TINCR: variants seen among roughly 807,000 people sequenced by gnomAD.
The protein encoded by TINCR is TINCR ubiquitin domain containing.
In TINCR at chr19:5,565,445, G is replaced by T. The variant is rs138492500; in HGVS notation, c.260+2220C>A. Among the ~76,000 whole-genome samples, 54 of 152,270 alleles carry T rather than the reference G, an allele frequency of 3.5e-4. No homozygotes were observed. Among genetic ancestry groups the T allele is most frequent in the Admixed American group, 1.2e-3 (18 of 15,300 alleles). Reference sequence around the variant, plus strand: ...CTAGGCTCTGTGAAGGCGAAATCTGGTCTCTCTGGGTCACTGCTGAATTTC... The same window carrying T: ...CTAGGCTCTGTGAAGGCGAAATCTGTTCTCTCTGGGTCACTGCTGAATTTC... On this transcript the variant is annotated intron_variant, in intron 1 of 1. Coordinates refer to ENST00000646160, the Ensembl canonical transcript of TINCR. This position sits in a 1 kb window ranked among gnomAD's most constrained non-coding sequence, Gnocchi z 4.0.
rs1198042027 is a variant in TINCR at position 5,563,781 on chromosome 19, G to A, written c.261-832C>T. ...TACAAAAAAATTAGCCAGGCATGGT[G>A]GCGGGCGCCTGTAATCCCAGCTACT... On this transcript the variant is annotated intron_variant, in intron 1 of 1. Coordinates refer to ENST00000646160, the Ensembl canonical transcript of TINCR. This position sits in a 1 kb window ranked among gnomAD's most constrained non-coding sequence, Gnocchi z 4.7. Among the ~76,000 whole-genome samples the A allele has an allele frequency of 6.6e-6, 1 of 152,156 alleles. No individual in the cohort carries two copies. Among genetic ancestry groups the A allele is most frequent in the African/African-American group, 2.4e-5 (1 of 41,426 alleles).
rs990903440 is a variant in TINCR, at chr19:5,563,633, G to A, written c.261-684C>T. Among the ~76,000 whole-genome samples the A allele has an allele frequency of 1.1e-4, 16 of 152,204 alleles. No individual in the cohort carries two copies. The highest frequency in any genetic ancestry group is 1.5e-4 in the Non-Finnish European group (10 of 68,012). On this transcript the variant is annotated intron_variant, in intron 1 of 1. Transcript: ENST00000646160. This position sits in a 1 kb window ranked among gnomAD's most constrained non-coding sequence, Gnocchi z 4.7. ...TAAACCGCCAATGATAACGGCACCC[G>A]GCCAGGCACGGTGGCTCACGCGTGT... is the stretch of plus-strand genomic sequence containing the variant.
rs1329485166 is a variant in TINCR at position 5,563,852 on chromosome 19, T to G, written c.261-903A>C. Among the ~76,000 whole-genome samples, 1 of 151,850 alleles carries G rather than the reference T, an allele frequency of 6.6e-6. No individual in the cohort carries two copies. The highest frequency in any genetic ancestry group is 1.5e-5 in the Non-Finnish European group (1 of 67,948). On this transcript the variant is annotated intron_variant, in intron 1 of 1. Coordinates refer to ENST00000646160, the Ensembl canonical transcript of TINCR. This position sits in a 1 kb window ranked among gnomAD's most constrained non-coding sequence, Gnocchi z 4.7. ...ATCGCTTGAACCCGGGAGGCAGAGG[T>G]TGCAGTGAGCCGAGATTGCGCCACT...
chr19:5,563,426 G>C lies in TINCR; in HGVS notation c.261-477C>G, dbSNP rs72977062. Among the ~76,000 whole-genome samples the C allele has an allele frequency of 6.6e-6, 1 of 152,172 alleles. No homozygotes were observed. The highest frequency in any genetic ancestry group is 1.5e-5 in the Non-Finnish European group (1 of 68,038). On this transcript the variant is annotated intron_variant, in intron 1 of 1. Transcript: ENST00000646160. This position sits in a 1 kb window ranked among gnomAD's most constrained non-coding sequence, Gnocchi z 4.7. ...GATGGAACCAGCTGAAGGACAGATA[G>C]AGGGGCTTGGGAGGAAGAGAGGAAT...
intron 1 of TINCR, among the ~76,000 whole-genome samples, chr19:5,566,615 G>T (rs1457811255): frequency 1.3e-5 from 2 of 151,618 alleles, no homozygotes; most frequent in Admixed American, 6.6e-5. Context: ...AAACAGCAGA[G>T]ACAGAGACAA....
intron 1 of TINCR, 111 bp downstream of exon 1, chr19:5,567,554 G>T: frequency 2.7e-6 from 1 of 370,814 alleles, no homozygotes; most frequent in Non-Finnish European, 4.8e-6. Context: ...GCGCGAGGTG[G>T]GAAAGCAGTG....
At position 5,565,980 on chromosome 19, in the gene TINCR, G is replaced by A. The variant is rs1452629302; in HGVS notation, c.260+1685C>T. 6.6e-6 allele frequency among the ~76,000 whole-genome samples: 1 copy of A among 152,206 alleles called. No homozygotes were observed. Among genetic ancestry groups the A allele is most frequent in the East Asian group, 1.9e-4 (1 of 5,194 alleles). On this transcript the variant is annotated intron_variant, in intron 1 of 1. Transcript: ENST00000646160. This position sits in a 1 kb window ranked among gnomAD's most constrained non-coding sequence, Gnocchi z 4.0. ...AGCTGCCCCAGGCCGGCAGTGAGCT[G>A]TTCCCGTGGCCCCAGCGCCCTTCTC...
chr19:5,559,074 G>A (rs947779414), downstream of TINCR: 1 of 152,194 alleles, frequency 6.6e-6, no homozygotes, highest in African/African-American at 2.4e-5. Flanking sequence ...CAGCGCTGTC[G>A]AGGCTTAAGA....
Position 5,563,345 on chromosome 19 carries a change from G to T in TINCR, c.261-396C>A, listed in dbSNP as rs2052111051. On this transcript the variant is annotated intron_variant, in intron 1 of 1. Coordinates refer to ENST00000646160, the Ensembl canonical transcript of TINCR. This position sits in a 1 kb window ranked among gnomAD's most constrained non-coding sequence, Gnocchi z 4.7. The stretch of plus-strand genomic sequence containing the variant: ...GCGGACCTTGGTGGGGGGCAACTGG[G>T]CTGGGCCAGGGGTTGAGAAGTGGGA... Among the ~76,000 whole-genome samples the T allele has an allele frequency of 6.6e-6, 1 of 152,104 alleles. No homozygotes were observed.
chr19:5,564,397 G>T (rs2052117129), intron 1 of TINCR, among the ~76,000 whole-genome samples: 1 of 152,212 alleles, frequency 6.6e-6, no homozygotes. Flanking sequence ...GATGCCCAGA[G>T]AGGGTGGGTT....
chr19:5,563,305 A>C lies in TINCR; in HGVS notation c.261-356T>G, dbSNP rs2052110703. On this transcript the variant is annotated intron_variant, in intron 1 of 1. Transcript: ENST00000646160. The surrounding 1 kb of genome is among the most constrained non-coding windows in gnomAD (Gnocchi z 4.7). ...TACGGGGAGGACAGACTTGTAGGGG[A>C]CAAGGGCAGGGGCTGCGGACCTTGG... Among the ~76,000 whole-genome samples the C allele has an allele frequency of 6.6e-6, 1 of 151,760 alleles. No homozygotes were observed. The highest frequency in any genetic ancestry group is 1.5e-5 in the Non-Finnish European group (1 of 67,954).
intron 1 of TINCR, among the ~76,000 whole-genome samples, chr19:5,567,178 G>A (rs1423993122): frequency 6.6e-6 from 1 of 151,866 alleles, no homozygotes; most frequent in Non-Finnish European, 1.5e-5. Context: ...GGGAGACAGA[G>A]ATAAGAGATG....
downstream of TINCR, chr19:5,558,556 T>G (rs1263715235): frequency 6.6e-6 from 1 of 152,300 alleles, no homozygotes; most frequent in Non-Finnish European, 1.5e-5. Context: ...GAAGAGTCAG[T>G]GTGAGCTTTC....
chr19:5,567,067 T>A (rs974426129), intron 1 of TINCR, among the ~76,000 whole-genome samples: 6 of 138,236 alleles, frequency 4.3e-5, no homozygotes, highest in Admixed American at 7.2e-5. Context: ...GAGACCAAAA[T>A]GGAGAGAGAG....
At chr19:5,566,543 G>A (rs539046991) in intron 1 of TINCR, among the ~76,000 whole-genome samples, 10 of 149,086 alleles carry the variant, frequency 6.7e-5, no homozygotes, top group East Asian at 6.1e-4. Flanking sequence ...AGAGAGATGC[G>A]CGCACACACA....
At chr19:5,558,483 CTG>C (rs1218773176), downstream of TINCR, 1 of 152,384 alleles carries the variant, frequency 6.6e-6, no homozygotes, top group Non-Finnish European at 1.5e-5. Context: ...AGTGGAGGGA[CTG>C]TGGCCCAAAC....
rs919525837 is a variant in TINCR, at chr19:5,565,161, C to A, written c.261-2212G>T. ...TGCCCTCCCTTCCTCCCTCTCTCCC[C>A]CTTGCTCCAGCCACACGGGCCTCCT... On this transcript the variant is annotated intron_variant, in intron 1 of 1. Transcript: ENST00000646160. This position sits in a 1 kb window ranked among gnomAD's most constrained non-coding sequence, Gnocchi z 4.0. Among the ~76,000 whole-genome samples the A allele has an allele frequency of 6.6e-6, 1 of 152,142 alleles. No homozygotes were observed. Among genetic ancestry groups the A allele is most frequent in the East Asian group, 1.9e-4 (1 of 5,174 alleles).
rs372849687 is a variant in TINCR, at chr19:5,564,602, G to A, written c.261-1653C>T. On this transcript the variant is annotated intron_variant, in intron 1 of 1. Transcript: ENST00000646160. Reference sequence around the variant, plus strand: ...TCTCTTTTTTCTTTTGTTTTGAGACGGAGTCTCACTCTGTTGTCCAGGCTG... The same window carrying A: ...TCTCTTTTTTCTTTTGTTTTGAGACAGAGTCTCACTCTGTTGTCCAGGCTG... 7.9e-5 allele frequency among the ~76,000 whole-genome samples: 12 copies of A among 152,220 alleles called. No homozygotes were observed. The East Asian group carries it at 1.7e-3, about 22-fold the overall frequency.
At chr19:5,567,629 G>GCCCCCCCCCCCCCCCCCCCCCCCCCC in intron 1 of TINCR, 36 bp downstream of exon 1, 17 of 181,982 alleles carry the variant, frequency 9.3e-5, no homozygotes, top group East Asian at 2.6e-4. Context: ...CCCGGCCGCC[G>GCCCCCCCCCCCCCCCCCCCCCCCCCC]CCCCCGCCCC....
Sources: gnomAD v4.1 joint callset for allele counts (sites outside exome capture counted in the v4.1 genomes callset) on GRCh38, gnomAD v4.1.1 for gene constraint, Gnocchi (gnomAD v3.1) non-coding constraint, MANE v1.5 for transcripts, NCBI Gene and HGNC (gene_info 2026-07-23, HGNC 2026-07-21) for gene names.